SLC4A11: variants seen among roughly 807,000 people sequenced by gnomAD.
The protein encoded by SLC4A11 is solute carrier family 4 member 11, also known as bicarbonate transporter related protein 1.
Under a neutral mutation model 95.0 loss-of-function variants are expected in SLC4A11, and 74 were observed. That is an observed-to-expected ratio of 0.78 (90% CI 0.65 to 0.95). The LOEUF is 0.95. SLC4A11 is among the 40% of genes least tolerant of loss of function. The pLI is 0.00. For missense variants in SLC4A11, 1,081 were observed against 1,192.4 expected (o/e 0.91, Z 1.38); for synonymous variants, 548 against 519.0 (o/e 1.06, Z -0.76).
intron 2 of SLC4A11, among the ~76,000 whole-genome samples, chr20:3,235,193 G>A (rs559133066): frequency 2.6e-5 from 4 of 152,232 alleles, no homozygotes; most frequent in East Asian, 3.9e-4. Context: ...GGGCAGGCAC[G>A]GAGTGCAATA....
At chr20:3,235,007 G>C in intron 2 of SLC4A11, 113 bp from the exon 3 acceptor site, 1 of 1,362,816 alleles carries the variant, frequency 7.3e-7, no homozygotes, top group African/African-American at 1.4e-5. Context: ...TCGGGCCGTG[G>C]TGGGAGAGGC....
upstream of SLC4A11, chr20:3,239,556 C>T (rs1404676611): frequency 1.0e-6 from 1 of 987,308 alleles, no homozygotes; most frequent in Non-Finnish European, 1.2e-6. Flanking sequence ...CTGAGGCAGA[C>T]CCCGGGAGGG....
Position 3,227,697 on chromosome 20 carries a change from C to T in SLC4A11, c.*90G>A. 7.1e-7 allele frequency: 1 copy of T among 1,401,440 alleles called. No individual in the cohort carries two copies. 86.8% of individuals were successfully genotyped at this position (1,401,440 alleles called of 1,614,324 possible). ...GAGAAGGCGCAGCACAGAGCAGTCACCCACACACCTACACCTCCCCTCACA... is the reference window on the plus strand; with the variant it reads ...GAGAAGGCGCAGCACAGAGCAGTCATCCACACACCTACACCTCCCCTCACA... On this transcript the variant is annotated 3_prime_UTR_variant, in exon 20 of 20. Transcript: ENST00000642402.
At chr20:3,239,025 G>A (rs961284323) in intron 1 of SLC4A11, 70 bp downstream of exon 1, 5 of 1,448,224 alleles carry the variant, frequency 3.5e-6, no homozygotes, top group South Asian at 1.3e-5. Context: ...TCTCCCCGGG[G>A]TCCCCGACGG....
rs776178046 is a variant in SLC4A11 at position 3,233,584 on chromosome 20, C to T, written c.659G>A (p.Arg220His). ...KRHVCISRLV[R>H]PQNWGENSCE... is the part of the protein sequence containing the mutation. ...GGAATTCTCCCCCCAGTTCTGTGGG[C>T]GAACCAGGCGGCTGATGCACACGTG... is the stretch of plus-strand genomic sequence containing the variant. The change falls in exon 7 of 20, where the codon CGC (arginine) becomes CAC (histidine). Residue 220 changes from arginine (R) to histidine (H), a missense_variant. Arg to His is a conservative substitution (Grantham distance 29). Around this residue, in one of 3 missense-constraint regions of SLC4A11, gnomAD observed 310 missense variants for 313.5 expected, o/e 0.99. Coordinates refer to ENST00000642402, the MANE Select transcript of SLC4A11 (RefSeq NM_001174089.2). 18 of 1,613,594 alleles carry T rather than the reference C, an allele frequency of 1.1e-5. No homozygotes were observed. The Admixed American group carries it at 1.7e-4, about 15-fold the overall frequency.
chr20:3,230,219 A>G lies in SLC4A11; in HGVS notation c.1457T>C (p.Phe486Ser), dbSNP rs2067708089. Residue 486 changes from phenylalanine (F) to serine (S), a missense_variant, in exon 13 of 20, where the codon TTT (phenylalanine) becomes TCT (serine). By Grantham distance (155) the Phe-to-Ser change is radical. This residue lies in a region of SLC4A11 where 767 missense variants were observed against 858.0 expected (regional missense o/e 0.89). Transcript: ENST00000642402. Reference protein sequence around the residue: ...EIIALFISITFVLDAVKGTVK... With the variant: ...EIIALFISITSVLDAVKGTVK... ...CGTGCCCTTGACGGCATCCAGCACA[A>G]ACGTGATGGAAATGAAGAGGGCGAT... 6.2e-7 allele frequency: 1 copy of G among 1,613,404 alleles called. No individual in the cohort carries two copies. The highest frequency in any genetic ancestry group is 8.5e-7 in the Non-Finnish European group (1 of 1,180,000).
chr20:3,230,165 G>C (rs1421607476), intron 13 of SLC4A11, 22 bp downstream of exon 13: 3 of 1,613,138 alleles, frequency 1.9e-6, no homozygotes, highest in Non-Finnish European at 2.5e-6. Context: ...CTGTTCAGCA[G>C]GTGGCCCCCA....
At chr20:3,229,060 G>GGGGCCCCCCCCCC in intron 16 of SLC4A11, 35 bp downstream of exon 16, 2 of 1,542,022 alleles carry the variant, frequency 1.3e-6, no homozygotes, top group Non-Finnish European at 8.7e-7. Flanking sequence ...AGAGGCCCGG[G>GGGGCCCCCCCCCC]CCCCGCCCAC....
chr20:3,238,940 T>G, intron 1 of SLC4A11, 155 bp downstream of exon 1: 4 of 1,258,082 alleles, frequency 3.2e-6, no homozygotes, highest in Non-Finnish European at 4.0e-6. Flanking sequence ...ACCCGCGCCC[T>G]CCTCCCCGCG....
At position 3,231,650 on chromosome 20, in the gene SLC4A11, T is replaced by C; in HGVS notation, c.730-102A>G. 2.7e-6 allele frequency: 3 copies of C among 1,126,476 alleles called. No homozygotes were observed. The allele number at this position is 1,126,476 out of a possible 1,614,324, so 69.8% of individuals were successfully genotyped here. A position where few individuals can be genotyped will look rare whatever the true frequency, so the allele number is the denominator to read the frequency against. ...CCATGAACTGGCAGCAGGTTTTTTG[T>C]CTGTTTGTTTTTTGTGTTTTTTTGA... On this transcript the variant is annotated intron_variant, in intron 7 of 19. Transcript: ENST00000642402. This position sits in a 1 kb window ranked among gnomAD's most constrained non-coding sequence, Gnocchi z 5.2.
At chr20:3,238,472 G>A (rs977156037) in intron 1 of SLC4A11, 21 of 1,017,934 alleles carry the variant, frequency 2.1e-5, no homozygotes, top group African/African-American at 3.4e-5. Flanking sequence ...GGGCGACGAG[G>A]GTCTGGGAGG....
rs774276335 is a variant in SLC4A11 at position 3,228,625 on chromosome 20, G to A, written c.2275C>T (p.Pro759Ser). ...VGLSLLLLPV[P>S]LQWIPKPVLY... ...ACGGGCTTGGGGATCCACTGAAGCGGGACCGGCAGCAGCAACAGGGACAGG... is the reference window on the plus strand; with the variant it reads ...ACGGGCTTGGGGATCCACTGAAGCGAGACCGGCAGCAGCAACAGGGACAGG... Residue 759 changes from proline (P) to serine (S), a missense_variant, in exon 18 of 20, where the codon CCG becomes TCG. Physicochemically the swap from Pro to Ser is moderately conservative, Grantham distance 74. Coordinates refer to ENST00000642402, the MANE Select transcript of SLC4A11 (RefSeq NM_001174089.2). 6.2e-7 allele frequency: 1 copy of A among 1,613,164 alleles called. No individual in the cohort carries two copies. Among genetic ancestry groups the A allele is most frequent in the Non-Finnish European group, 8.5e-7 (1 of 1,179,922 alleles).
Position 3,230,204 on chromosome 20 carries a change from A to G in SLC4A11, c.1472T>C (p.Val491Ala). The change falls in exon 13 of 20, where the codon GTC (valine) becomes GCC (alanine). Residue 491 changes from valine to alanine, a missense_variant. By Grantham distance (64) the Val-to-Ala change is moderately conservative. Transcript: ENST00000642402. ...FISITFVLDA[V>A]KGTVKIFWKY... The stretch of plus-strand genomic sequence containing the variant: ...GCACTCACTTTTAACCGTGCCCTTG[A>G]CGGCATCCAGCACAAACGTGATGGA... The G allele has an allele frequency of 6.2e-7, 1 of 1,613,520 alleles. No individual in the cohort carries two copies. The highest frequency in any genetic ancestry group is 8.5e-7 in the Non-Finnish European group (1 of 1,179,998).
At position 3,233,550 on chromosome 20, in the gene SLC4A11, A is replaced by C. The variant is rs573633940; in HGVS notation, c.693T>G (p.Val231=). ...GGGCCAGCACCAGGATGACGAACCG[A>C]ACCTCACAGGAATTCTCCCCCCAGT... ...PQNWGENSCE[V]RFVILVLAPP... Residue 231 remains valine (V), a synonymous_variant, in exon 7 of 20, where the codon GTT becomes GTG. Coordinates refer to ENST00000642402, the MANE Select transcript of SLC4A11 (RefSeq NM_001174089.2). 2.4e-5 allele frequency: 38 copies of C among 1,613,768 alleles called. No individual in the cohort carries two copies. The highest frequency in any genetic ancestry group is 8.0e-5 in the African/African-American group (6 of 74,986).
chr20:3,230,939 C>A lies in SLC4A11; in HGVS notation c.1162G>T (p.Ala388Ser), dbSNP rs776410652. 6.2e-7 allele frequency: 1 copy of A among 1,608,992 alleles called. No homozygotes were observed. Among genetic ancestry groups the A allele is most frequent in the South Asian group, 1.1e-5 (1 of 90,978 alleles). Residue 388 changes from alanine (A) to serine (S), a missense_variant, in exon 10 of 20, where the codon GCC becomes TCC. By Grantham distance (99) the Ala-to-Ser change is moderately conservative (BLOSUM62 1). Coordinates refer to ENST00000642402, the MANE Select transcript of SLC4A11 (RefSeq NM_001174089.2). ...GSLNDENTDG[A>S]IDVQKTIAGQ... ...CCCACCGCCAGCCCCTCACCGATGG[C>A]CCCGTCTGTGTTCTCGTCATTGAGA...
In SLC4A11 at chr20:3,236,671, T is replaced by C. The variant is rs142801129; in HGVS notation, c.88+873A>G. On this transcript the variant is annotated intron_variant, in intron 2 of 19. Coordinates refer to ENST00000642402, the MANE Select transcript of SLC4A11 (RefSeq NM_001174089.2). ...CATGATAAACTCCTTCCTCCCCGGG[T>C]CAGGCTTGCCTTGTTTAAACTGTCT... Among the ~76,000 whole-genome samples the C allele has an allele frequency of 2.7e-3, 412 of 152,236 alleles. 2 individuals are homozygous for C. The highest frequency in any genetic ancestry group is 9.2e-3 in the African/African-American group (384 of 41,550).
At position 3,230,518 on chromosome 20, in the gene SLC4A11, T is replaced by C. The variant is rs1485658532; in HGVS notation, c.1412A>G (p.Lys471Arg). ...AGCTCACGGAAGGGCCAGTCACCTC[T>C]TGAAGAGACTCATGACCAGGCTGAG... ...FNLSLVMSLF[K>R]RSTEEIIALF... Residue 471 changes from lysine to arginine, a missense_variant, in exon 12 of 20, where the codon AAG becomes AGG. Lys to Arg is a conservative substitution (Grantham distance 26). Coordinates refer to ENST00000642402, the MANE Select transcript of SLC4A11 (RefSeq NM_001174089.2). The C allele has an allele frequency of 6.2e-6, 10 of 1,613,670 alleles. No individual in the cohort carries two copies. Among genetic ancestry groups the C allele is most frequent in the Non-Finnish European group, 8.5e-6 (10 of 1,180,014 alleles).
rs183005625 is a variant in SLC4A11 at position 3,235,404 on chromosome 20, G to A, written c.89-510C>T. ...AGAGCTCCGCCTCCCCAGGAGGGCA[G>A]GTGGGGAGAAGCATCGAGGCTGAGA... On this transcript the variant is annotated intron_variant, in intron 2 of 19. Transcript: ENST00000642402. Among the ~76,000 whole-genome samples the A allele has an allele frequency of 2.6e-4, 39 of 152,162 alleles. No homozygotes were observed. In the East Asian group the frequency reaches 7.4e-3, roughly 29 times the overall value.
upstream of SLC4A11, chr20:3,239,323 C>T (rs2068084754): frequency 1.7e-6 from 2 of 1,150,792 alleles, no homozygotes; most frequent in East Asian, 4.2e-5. Context: ...GGGCTGGGAC[C>T]CGGCCGCCCG....
Sources: allele counts gnomAD v4.1 joint callset (sites outside exome capture counted in the v4.1 genomes callset), GRCh38; gene constraint gnomAD v4.1.1; regional missense constraint gnomAD v4.1.1; non-coding constraint Gnocchi (gnomAD v3.1); transcripts MANE v1.5; gene names NCBI Gene and HGNC (gene_info 2026-07-23, HGNC 2026-07-21).